The following TEX11 variants were observed in gnomAD, a reference collection of about 807,000 sequenced individuals.
TEX11 encodes the protein testis expressed 11.
Under a neutral mutation model 84.4 loss-of-function variants are expected in TEX11, and 7 were observed. The ratio of observed to expected loss-of-function variants is 0.08; its 90% CI spans 0.05 to 0.16. The LOEUF is 0.16. TEX11 is among the 10% of genes least tolerant of loss of function. The pLI, the probability that TEX11 is intolerant of heterozygous loss-of-function variation, is 1.00. For missense variants in TEX11, 551 were observed against 660.5 expected, an observed-to-expected ratio of 0.83 and a Z score of 1.82; for synonymous variants, 264 against 222.8, an observed-to-expected ratio of 1.18 and a Z score of -1.64.
the TEX11 span, among the ~76,000 whole-genome samples, chrX:70,512,710 GATGA>G: frequency 9.2e-6 from 1 of 109,228 alleles, no homozygotes; most frequent in Non-Finnish European, 1.9e-5. Flanking sequence ...TGAATGGACA[GATGA>G]ATGAATGAAT....
intron 13 of TEX11, among the ~76,000 whole-genome samples, chrX:70,714,279 A>G (rs190473167): frequency 1.1e-4 from 12 of 110,887 alleles, no homozygotes; most frequent in South Asian, 3.9e-4. Context: ...TTGATTTGGG[A>G]TGGAGAGTTC....
chrX:70,635,423 A>T (rs2089559807), intron 17 of TEX11, among the ~76,000 whole-genome samples: 2 of 111,810 alleles, frequency 1.8e-5, no homozygotes, highest in Non-Finnish European at 3.8e-5. Flanking sequence ...CTTGATCTCT[A>T]GGACTGCCAC....
intron 17 of TEX11, among the ~76,000 whole-genome samples, chrX:70,644,877 C>G (rs1394504898): frequency 1.9e-5 from 2 of 103,813 alleles, no homozygotes; most frequent in African/African-American, 7.0e-5. Flanking sequence ...ACATATGTAA[C>G]TAACCTGCAC....
At chrX:70,682,863 A>G (rs1480397433) in intron 13 of TEX11, 38 bp from the exon 14 acceptor site, 1 of 1,176,147 alleles carries the variant, frequency 8.5e-7, no homozygotes, top group East Asian at 3.0e-5. Flanking sequence ...ATGCGAACAG[A>G]AAAACTGGTT....
intron 25 of TEX11, among the ~76,000 whole-genome samples, chrX:70,564,074 C>G (rs1241144472): frequency 9.0e-6 from 1 of 111,540 alleles, no homozygotes; most frequent in African/African-American, 3.3e-5. Context: ...ACTAAAAATA[C>G]AAAAATTAGC....
chrX:70,832,018 G>A (rs1465492656), intron 8 of TEX11, among the ~76,000 whole-genome samples: 1 of 111,524 alleles, frequency 9.0e-6, no homozygotes, highest in African/African-American at 3.3e-5. Flanking sequence ...CAGGTTTACA[G>A]TGAAAAAACC....
intron 17 of TEX11, among the ~76,000 whole-genome samples, chrX:70,646,748 G>A (rs968541311): frequency 2.0e-4 from 22 of 111,897 alleles, no homozygotes; most frequent in African/African-American, 6.2e-4. Flanking sequence ...ACAAGGATGC[G>A]GAGAATAGGG....
rs902910295 is a variant in TEX11, at chrX:70,815,336, C to T, written c.607-8546G>A. Among the ~76,000 whole-genome samples the T allele has an allele frequency of 3.6e-5, 4 of 111,799 alleles. No homozygotes were observed. The South Asian group carries it at 1.1e-3, about 31-fold the overall frequency. ...GGAAGTTCCATTAAATAAAACATTA[C>T]TGTGTCCTAGTTATTCCAGTTAATA... On this transcript the variant is annotated intron_variant, in intron 8 of 29. Coordinates refer to ENST00000374333, the MANE Select transcript of TEX11 (RefSeq NM_031276.3).
intron 9 of TEX11, among the ~76,000 whole-genome samples, chrX:70,757,592 G>A (rs771738616): frequency 9.0e-6 from 1 of 111,690 alleles, no homozygotes; most frequent in East Asian, 2.8e-4. Context: ...GTCACCACCA[G>A]GCCTGTCTTA....
rs756153550 is a variant in TEX11, at chrX:70,789,179, C to CA, written c.692+17525dup. Among the ~76,000 whole-genome samples, 656 of 91,350 alleles carry CA rather than the reference C, an allele frequency of 7.2e-3. 6 individuals are homozygous for CA. The highest frequency in any genetic ancestry group is 0.024 in the African/African-American group (595 of 25,054). The allele number at this position is 91,350 out of a possible 115,157, so 79.3% of individuals were successfully genotyped here. Reference sequence around the variant, plus strand: ...TGGGAAATACAACACGACCCTGTCTCAAAAAAAAAAAAGTTGGCAAGAAAA... The same window carrying CA: ...TGGGAAATACAACACGACCCTGTCTCAAAAAAAAAAAAAGTTGGCAAGAAAA... On this transcript the variant is annotated intron_variant, in intron 9 of 29. Transcript: ENST00000374333.
intron 9 of TEX11, among the ~76,000 whole-genome samples, chrX:70,805,599 C>T (rs2091214661): frequency 9.0e-6 from 1 of 110,950 alleles, no homozygotes. Context: ...TGGGGTTTTG[C>T]CATGTTGGCC....
intron 12 of TEX11, among the ~76,000 whole-genome samples, chrX:70,724,704 T>C (rs775093556): frequency 1.3e-4 from 15 of 111,289 alleles, no homozygotes; most frequent in Non-Finnish European, 1.3e-4. Flanking sequence ...GCACCAGGTA[T>C]GGTGTTAAAT....
At chrX:70,871,989 T>C (rs1471363690) in intron 4 of TEX11, among the ~76,000 whole-genome samples, 1 of 92,697 alleles carries the variant, frequency 1.1e-5, no homozygotes, top group Non-Finnish European at 2.1e-5. Flanking sequence ...TGCCGTCCCT[T>C]AAAAAAAAAA....
chrX:70,515,948 G>T, the TEX11 span, among the ~76,000 whole-genome samples: 1 of 112,054 alleles, frequency 8.9e-6, no homozygotes, highest in South Asian at 3.7e-4. Context: ...CATATCCTTT[G>T]CCCACTTGTT....
At chrX:70,599,742 A>T (rs1401414065) in intron 24 of TEX11, among the ~76,000 whole-genome samples, 1 of 96,457 alleles carries the variant, frequency 1.0e-5, no homozygotes, top group Non-Finnish European at 2.0e-5. Context: ...ATTGTTCAAT[A>T]CCCACCTATG....
chrX:70,770,072 T>G (rs1159006401), intron 9 of TEX11, among the ~76,000 whole-genome samples: 4 of 111,404 alleles, frequency 3.6e-5, no homozygotes, highest in African/African-American at 1.3e-4. Context: ...AGTTTATCAT[T>G]AACAAATTTT....
intron 28 of TEX11, among the ~76,000 whole-genome samples, chrX:70,546,462 G>C (rs1235116844): frequency 1.8e-5 from 2 of 111,431 alleles, no homozygotes; most frequent in Non-Finnish European, 3.8e-5. Flanking sequence ...AAACAAGCCA[G>C]AGACTAGGAG....
chrX:70,747,017 G>T (rs781174772), intron 9 of TEX11, among the ~76,000 whole-genome samples: 1 of 112,104 alleles, frequency 8.9e-6, no homozygotes, highest in Admixed American at 9.5e-5. Flanking sequence ...AACACCAACT[G>T]AAAGGTAAGC....
At chrX:70,714,052 C>T (rs2090469615) in intron 13 of TEX11, among the ~76,000 whole-genome samples, 1 of 111,674 alleles carries the variant, frequency 9.0e-6, no homozygotes, top group Non-Finnish European at 1.9e-5. Context: ...GTTATGTACC[C>T]AGTAGTCATT....
Sources: gnomAD v4.1 joint callset for allele counts (sites outside exome capture counted in the v4.1 genomes callset) on GRCh38, gnomAD v4.1.1 for gene constraint, MANE v1.5 for transcripts, NCBI Gene and HGNC (gene_info 2026-07-23, HGNC 2026-07-21) for gene names.